SIPA1L3: variants seen among roughly 807,000 people sequenced by gnomAD.
SIPA1L3 encodes signal induced proliferation associated 1 like 3, also known as signal-induced proliferation-associated 1-like protein 3.
In SIPA1L3, 59 loss-of-function variants were observed where a neutral mutation model predicts 150.1. The observed-to-expected ratio is 0.39, with a 90% CI of 0.32 to 0.49. The LOEUF is 0.49. Among genes scored for constraint, SIPA1L3 ranks in the 20% least tolerant of loss-of-function variants. The pLI, the probability that SIPA1L3 is intolerant of heterozygous loss-of-function variation, is 0.86. For synonymous variants in SIPA1L3, 1,070 were observed against 1,077.6 expected, an observed-to-expected ratio of 0.99 and a Z score of 0.14; for missense variants, 2,211 against 2,489.5, an observed-to-expected ratio of 0.89 and a Z score of 2.38.
In SIPA1L3 at chr19:38,054,433, C is replaced by T. The variant is rs547016049; in HGVS notation, c.-311+25277C>T. Among the ~76,000 whole-genome samples the T allele has an allele frequency of 1.1e-3, 160 of 152,264 alleles. 1 individual carries two copies. The highest frequency in any genetic ancestry group is 3.6e-3 in the African/African-American group (149 of 41,544). ...ACTAGCCTGACCAACATGGTGAAAC[C>T]CTGCCTCCACTAAAAATACAAAAAT... On this transcript the variant is annotated intron_variant, in intron 2 of 21. Coordinates refer to ENST00000222345, the MANE Select transcript of SIPA1L3 (RefSeq NM_015073.3).
At chr19:38,100,225 C>A (rs747516127) in intron 5 of SIPA1L3, 75 bp downstream of exon 5, 449 of 1,175,822 alleles carry the variant, frequency 3.8e-4, no homozygotes, top group Non-Finnish European at 4.8e-4. Flanking sequence ...CTTTTTCTAT[C>A]TTGGTCACTT....
intron 6 of SIPA1L3, among the ~76,000 whole-genome samples, chr19:38,101,782 G>C (rs1970509216): frequency 6.6e-6 from 1 of 152,152 alleles, no homozygotes; most frequent in South Asian, 2.1e-4. Context: ...CTGTGACTCA[G>C]CTCCTGCACT....
intron 1 of SIPA1L3, among the ~76,000 whole-genome samples, chr19:37,956,204 C>G (rs1485770003): frequency 2.0e-5 from 3 of 152,202 alleles, no homozygotes; most frequent in African/African-American, 7.2e-5. Context: ...TACAGCCATC[C>G]TGGTGGGTGT....
rs76050364 is a variant in SIPA1L3 at position 37,994,226 on chromosome 19, C to T, written c.-378-34863C>T. Among the ~76,000 whole-genome samples the T allele has an allele frequency of 6.8e-3, 1,041 of 152,284 alleles. 4 individuals are homozygous for T. The highest frequency in any genetic ancestry group is 0.014 in the Admixed American group (211 of 15,296). On this transcript the variant is annotated intron_variant, in intron 1 of 21. Coordinates refer to ENST00000222345, the MANE Select transcript of SIPA1L3 (RefSeq NM_015073.3). ...CGGGAAAAGAATTTAAACAGCATGT[C>T]AAACCTAGTATCCCATGGCTATTTC...
At chr19:38,062,337 C>G (rs1969463819) in intron 2 of SIPA1L3, among the ~76,000 whole-genome samples, 1 of 152,224 alleles carries the variant, frequency 6.6e-6, no homozygotes, top group Non-Finnish European at 1.5e-5. Context: ...TAGATTTGAC[C>G]TGCCTGGGTT....
chr19:37,992,540 A>G (rs1489218695), intron 1 of SIPA1L3, among the ~76,000 whole-genome samples: 1 of 152,144 alleles, frequency 6.6e-6, no homozygotes. Context: ...AATCCCAGCT[A>G]CATGGGAGGC....
At chr19:38,197,780 C>T (rs1972993883) in intron 18 of SIPA1L3, among the ~76,000 whole-genome samples, 1 of 152,088 alleles carries the variant, frequency 6.6e-6, no homozygotes, top group Admixed American at 6.5e-5. Context: ...GCCCCTGTGT[C>T]CTATCACGGC....
chr19:38,040,568 A>G (rs1373619711), intron 2 of SIPA1L3, among the ~76,000 whole-genome samples: 2 of 152,202 alleles, frequency 1.3e-5, no homozygotes, highest in African/African-American at 2.4e-5. Flanking sequence ...CGAATAATAA[A>G]TGACAACTTA....
chr19:38,041,410 C>T (rs1046048296), intron 2 of SIPA1L3, among the ~76,000 whole-genome samples: 4 of 151,278 alleles, frequency 2.6e-5, no homozygotes, highest in African/African-American at 9.7e-5. Context: ...TCCAGAGTAG[C>T]TGGGATTACA....
chr19:37,931,901 A>G (rs2046557473), intron 1 of SIPA1L3, among the ~76,000 whole-genome samples: 1 of 152,198 alleles, frequency 6.6e-6, no homozygotes, highest in African/African-American at 2.4e-5. Flanking sequence ...TCTGTAAAAT[A>G]AGAATGCTGA....
chr19:38,106,574 C>G lies in SIPA1L3; in HGVS notation c.2067C>G (p.Tyr689Ter). 1 of 1,613,952 alleles carries G rather than the reference C, an allele frequency of 6.2e-7. No individual in the cohort carries two copies. Among genetic ancestry groups the G allele is most frequent in the Non-Finnish European group, 8.5e-7 (1 of 1,179,804 alleles). The change falls in exon 7 of 22, where the codon TAC becomes TAG. Residue 689 changes from tyrosine (Y) to a stop codon, truncating the protein, a stop_gained. Transcript: ENST00000222345. LOFTEE classifies it high-confidence loss of function. Reference protein sequence around the residue: ...STGTHSLYTMYQDYEIMFHVS... With the variant: ...STGTHSLYTM ...GAACCCACTCCCTCTACACGATGTA[C>G]CAGGACTACGAGATCATGTTCCATG...
In SIPA1L3 at chr19:38,164,448, C is replaced by G. The variant is rs753531813; in HGVS notation, c.3781-31C>G. On this transcript the variant is annotated intron_variant, in intron 14 of 21. Coordinates refer to ENST00000222345, the MANE Select transcript of SIPA1L3 (RefSeq NM_015073.3). The surrounding 1 kb of genome is among the most constrained non-coding windows in gnomAD (Gnocchi z 4.1). ...GGAAGATGCGCCCCTGCCCTGGAGT[C>G]TGGGAATGACACGCTTCTCTTGCCT... is the stretch of plus-strand genomic sequence containing the variant. 1.3e-6 allele frequency: 2 copies of G among 1,571,078 alleles called. No homozygotes were observed. Among genetic ancestry groups the G allele is most frequent in the Non-Finnish European group, 1.7e-6 (2 of 1,152,004 alleles).
At position 38,046,346 on chromosome 19, in the gene SIPA1L3, C is replaced by T. The variant is rs1969056851; in HGVS notation, c.-311+17190C>T. Among the ~76,000 whole-genome samples the T allele has an allele frequency of 6.6e-6, 1 of 152,184 alleles. No homozygotes were observed. The highest frequency in any genetic ancestry group is 2.4e-5 in the African/African-American group (1 of 41,426). ...TCATTTCCTCTCAGGCCCAGCGCTG[C>T]CAGCAGCCTGTCCCCCCTCCTCATT... On this transcript the variant is annotated intron_variant, in intron 2 of 21. Coordinates refer to ENST00000222345, the MANE Select transcript of SIPA1L3 (RefSeq NM_015073.3). This position sits in a 1 kb window ranked among gnomAD's most constrained non-coding sequence, Gnocchi z 5.6.
intron 2 of SIPA1L3, among the ~76,000 whole-genome samples, chr19:38,054,468 T>C (rs1568522953): frequency 6.6e-6 from 1 of 152,150 alleles, no homozygotes; most frequent in Non-Finnish European, 1.5e-5. Flanking sequence ...TTAGCGGATG[T>C]GGTGGTGGGT....
intron 2 of SIPA1L3, among the ~76,000 whole-genome samples, chr19:38,077,670 T>C (rs1302987404): frequency 2.7e-5 from 3 of 111,534 alleles, no homozygotes; most frequent in Non-Finnish European, 5.5e-5. Context: ...TCTTTTTTTT[T>C]TTTTTTTTTT....
At chr19:38,072,584 G>A (rs112051596) in intron 2 of SIPA1L3, among the ~76,000 whole-genome samples, 12 of 152,216 alleles carry the variant, frequency 7.9e-5, no homozygotes, top group African/African-American at 2.9e-4. Context: ...TAGGGTTAAA[G>A]GGAAAAGCGC....
rs777685546 is a variant in SIPA1L3 at position 38,082,369 on chromosome 19, G to A, written c.804G>A (p.Lys268=). The A allele has an allele frequency of 1.3e-6, 2 of 1,597,752 alleles. No individual in the cohort carries two copies. Among genetic ancestry groups the A allele is most frequent in the Non-Finnish European group, 1.7e-6 (2 of 1,178,406 alleles). ...KGDSHNGQPA[K]DSLLPLQPTK... is the part of the protein sequence containing the mutation. ...ACTCCCACAACGGGCAGCCCGCCAAGGACAGCCTCCTGCCACTGCAGCCCA... is the reference window on the plus strand; with the variant it reads ...ACTCCCACAACGGGCAGCCCGCCAAAGACAGCCTCCTGCCACTGCAGCCCA... The change falls in exon 3 of 22, where the codon AAG becomes AAA. Residue 268 remains lysine (K), a synonymous_variant. Coordinates refer to ENST00000222345, the MANE Select transcript of SIPA1L3 (RefSeq NM_015073.3).
At chr19:38,063,613 G>A (rs1259070718) in intron 2 of SIPA1L3, among the ~76,000 whole-genome samples, 4 of 152,242 alleles carry the variant, frequency 2.6e-5, no homozygotes, top group African/African-American at 7.2e-5. Flanking sequence ...GCAAGACACT[G>A]TCTTCTAAAG....
chr19:38,200,593 T>G (rs1973066637), intron 19 of SIPA1L3: 1 of 152,128 alleles, frequency 6.6e-6, no homozygotes, highest in African/African-American at 2.4e-5. Flanking sequence ...ATAAAGGGTA[T>G]TATTCAGAGA....
Sources: allele counts gnomAD v4.1 joint callset (sites outside exome capture counted in the v4.1 genomes callset), GRCh38; gene constraint gnomAD v4.1.1; non-coding constraint Gnocchi (gnomAD v3.1); transcripts MANE v1.5; gene names NCBI Gene and HGNC (gene_info 2026-07-23, HGNC 2026-07-21).